Variants in MAGI2 observed in about 807,000 individuals in gnomAD.
MAGI2 encodes membrane-associated guanylate kinase, WW and PDZ domain-containing protein 2.
Under a neutral mutation model 133.3 loss-of-function variants are expected in MAGI2, and 35 were observed. The ratio of observed to expected loss-of-function variants is 0.26; its 90% CI spans 0.20 to 0.35. The LOEUF (loss-of-function observed/expected upper bound fraction) is 0.35, where lower values mean the gene tolerates loss of function less well. MAGI2 is among the 10% of genes least tolerant of loss of function. The pLI is 1.00. For missense variants in MAGI2, 1,636 were observed against 1,863.4 expected (o/e 0.88, Z 2.25); for synonymous variants, 729 against 710.6 (o/e 1.03, Z -0.41).
At chr7:78,231,770 G>A (rs1471167302) in intron 10 of MAGI2, among the ~76,000 whole-genome samples, 3 of 152,120 alleles carry the variant, frequency 2.0e-5, no homozygotes, top group Non-Finnish European at 4.4e-5. Flanking sequence ...GTCTTTGAAG[G>A]GACTTTAGGC....
At chr7:78,853,360 TTTTTTTTTTTTTTG>T (rs1793335514) in intron 2 of MAGI2, among the ~76,000 whole-genome samples, 3 of 102,348 alleles carry the variant, frequency 2.9e-5, no homozygotes, top group Admixed American at 1.1e-4. Context: ...TTTTTTTTTT[TTTTTTTTTTTTTTG>T]AGACAGAGTC....
chr7:79,363,039 A>G lies in MAGI2; in HGVS notation c.301+89981T>C, dbSNP rs546998045. ...TAGATAGAGGTGACATATTATCTACATAGAAAATCCCAACTAATATACATA... is the reference window on the plus strand; with the variant it reads ...TAGATAGAGGTGACATATTATCTACGTAGAAAATCCCAACTAATATACATA... On this transcript the variant is annotated intron_variant, in intron 1 of 21. Transcript: ENST00000354212. 2.6e-5 allele frequency among the ~76,000 whole-genome samples: 4 copies of G among 151,874 alleles called. No individual in the cohort carries two copies. The South Asian group carries it at 8.3e-4, about 31-fold the overall frequency.
intron 2 of MAGI2, among the ~76,000 whole-genome samples, chr7:78,960,244 T>G (rs1032883509): frequency 6.6e-6 from 1 of 152,074 alleles, no homozygotes; most frequent in African/African-American, 2.4e-5. Context: ...TTTACTAACT[T>G]GGATTGGAAT....
intron 1 of MAGI2, among the ~76,000 whole-genome samples, chr7:79,173,752 A>G (rs527955801): frequency 3.9e-5 from 6 of 152,166 alleles, no homozygotes; most frequent in Non-Finnish European, 1.5e-5. Flanking sequence ...GACCTGTTCT[A>G]TAGAACATTC....
At chr7:78,459,592 C>T (rs1789741775) in intron 6 of MAGI2, among the ~76,000 whole-genome samples, 1 of 152,160 alleles carries the variant, frequency 6.6e-6, no homozygotes, top group South Asian at 2.1e-4. Context: ...GCATGGTGAG[C>T]AGTAGAGATA....
chr7:78,203,993 A>G (rs1416408309), intron 10 of MAGI2, among the ~76,000 whole-genome samples: 1 of 152,210 alleles, frequency 6.6e-6, no homozygotes, highest in Non-Finnish European at 1.5e-5. Context: ...AAAAAGCACT[A>G]AAAACCAAAT....
intron 21 of MAGI2, among the ~76,000 whole-genome samples, chr7:78,066,589 T>C (rs1349557476): frequency 3.9e-5 from 6 of 152,194 alleles, no homozygotes; most frequent in Non-Finnish European, 8.8e-5. Context: ...CTGTGGGTTG[T>C]GCTCTGAAAC....
At chr7:78,986,104 A>C (rs10269689) in intron 2 of MAGI2, among the ~76,000 whole-genome samples, 115,596 of 151,924 alleles carry the variant, frequency 0.76, 44,331 homozygotes, top group African/African-American at 0.85. Context: ...GAGTTTGGCA[A>C]TTTCAGAAAC....
At chr7:78,179,938 G>T (rs116410543) in intron 13 of MAGI2, among the ~76,000 whole-genome samples, 1 of 152,136 alleles carries the variant, frequency 6.6e-6, no homozygotes, top group African/African-American at 2.4e-5. Flanking sequence ...GGAGGCAGAT[G>T]GAGTAGAGCT....
intron 6 of MAGI2, chr7:78,484,694 A>T (rs980643071): frequency 6.6e-6 from 1 of 151,730 alleles, no homozygotes; most frequent in African/African-American, 2.4e-5. Context: ...ATTTTTTCCC[A>T]GTCATCTTCT....
chr7:78,256,515 A>T lies in MAGI2; in HGVS notation c.1475T>A (p.Leu492His). 1 of 1,613,964 alleles carries T rather than the reference A, an allele frequency of 6.2e-7. No homozygotes were observed. Among genetic ancestry groups the T allele is most frequent in the South Asian group, 1.1e-5 (1 of 91,072 alleles). ...LGHTHADVVKLFQSVPIGQSV... is the reference protein window; with the variant it reads ...LGHTHADVVKHFQSVPIGQSV... ...CTGACCAATAGGAACAGACTGGAAA[A>T]GTTTGACAACATCTGCATGAGTGTG... is the stretch of plus-strand genomic sequence containing the variant. Residue 492 changes from leucine (L) to histidine (H), a missense_variant, in exon 10 of 22, where the codon CTT becomes CAT. Around this residue, in one of 5 missense-constraint regions of MAGI2, gnomAD observed 920 missense variants for 1,093.5 expected, o/e 0.84. Transcript: ENST00000354212.
chr7:79,451,061 G>GAATA (rs1372394753), intron 1 of MAGI2, among the ~76,000 whole-genome samples: 1 of 152,080 alleles, frequency 6.6e-6, no homozygotes, highest in Non-Finnish European at 1.5e-5. Flanking sequence ...GCATTTCATA[G>GAATA]AATACATCTA....
chr7:78,094,389 C>T (rs2151225755), intron 20 of MAGI2, among the ~76,000 whole-genome samples: 1 of 152,294 alleles, frequency 6.6e-6, no homozygotes, highest in Middle Eastern at 3.4e-3. Context: ...CTCCCTCAAA[C>T]CTGCCTGAAT....
chr7:79,009,810 A>C (rs916434575), intron 1 of MAGI2, among the ~76,000 whole-genome samples: 1 of 152,154 alleles, frequency 6.6e-6, no homozygotes, highest in African/African-American at 2.4e-5. Context: ...GTGAAGTGAC[A>C]AGCACAAGGA....
At chr7:78,227,474 A>G (rs1789507221) in intron 10 of MAGI2, among the ~76,000 whole-genome samples, 2 of 152,220 alleles carry the variant, frequency 1.3e-5, no homozygotes, top group African/African-American at 4.8e-5. Context: ...CATGACTCAC[A>G]GAGCTACTCA....
At chr7:78,642,777 G>A (rs1810445152) in intron 2 of MAGI2, among the ~76,000 whole-genome samples, 1 of 152,146 alleles carries the variant, frequency 6.6e-6, no homozygotes, top group African/African-American at 2.4e-5. Flanking sequence ...ATGGTAGGTG[G>A]CATTTTACTC....
chr7:78,062,350 G>A (rs1259437824), intron 21 of MAGI2, among the ~76,000 whole-genome samples: 3 of 152,086 alleles, frequency 2.0e-5, no homozygotes, highest in Non-Finnish European at 4.4e-5. Context: ...AGTAGCAGGC[G>A]AAGGCCACTT....
chr7:78,555,554 C>G (rs1799751618), intron 3 of MAGI2, among the ~76,000 whole-genome samples: 1 of 152,060 alleles, frequency 6.6e-6, no homozygotes, highest in African/African-American at 2.4e-5. Flanking sequence ...AAACTAGCCC[C>G]AATTAAGCAC....
intron 2 of MAGI2, among the ~76,000 whole-genome samples, chr7:78,775,118 CCTGA>C (rs1825882240): frequency 6.6e-6 from 1 of 151,338 alleles, no homozygotes; most frequent in African/African-American, 2.4e-5. Flanking sequence ...TCGAGACCAT[CCTGA>C]CTATCACAGT....
Sources: gnomAD v4.1 joint callset for allele counts (sites outside exome capture counted in the v4.1 genomes callset) on GRCh38, gnomAD v4.1.1 for gene constraint, gnomAD v4.1.1 regional missense constraint, MANE v1.5 for transcripts, NCBI Gene and HGNC (gene_info 2026-07-23, HGNC 2026-07-21) for gene names.